FGF22: variants seen among roughly 807,000 people sequenced by gnomAD.
FGF22 encodes the protein fibroblast growth factor 22.
Under a neutral mutation model 10.3 loss-of-function variants are expected in FGF22, and 11 were observed. The observed-to-expected ratio is 1.07, with a 90% CI of 0.67 to 1.77. The LOEUF (loss-of-function observed/expected upper bound fraction) is 1.77, where lower values mean the gene tolerates loss of function less well. Among genes scored for constraint, FGF22 ranks in the 40% most tolerant of loss-of-function variants. The probability of loss-of-function intolerance (pLI) is 0.00; values close to 1 mark genes in which losing one functional copy is unlikely to be tolerated. For synonymous variants in FGF22, 136 were observed against 122.1 expected, an observed-to-expected ratio of 1.11 and a Z score of -0.75; for missense variants, 317 against 273.2, an observed-to-expected ratio of 1.16 and a Z score of -1.13.
At chr19:641,264 C>A (rs1177914927) in intron 1 of FGF22, 1 of 455,640 alleles carries the variant, frequency 2.2e-6, no homozygotes. Flanking sequence ...TGAACAAGGG[C>A]GCAGGTGGGT....
chr19:643,269 C>A (rs1447071819), exon 2 of FGF22: 10 of 1,611,514 alleles, frequency 6.2e-6, no homozygotes, highest in Non-Finnish European at 8.5e-6. Flanking sequence ...ACGTGGGCGT[C>A]GTGGTCATCA....
At chr19:639,879 G>A (rs1468375467) in exon 1 of FGF22, 3 of 1,152,724 alleles carry the variant, frequency 2.6e-6, no homozygotes, top group Admixed American at 4.7e-5. Flanking sequence ...AGGCAGAGCC[G>A]CGGACGCCCG....
At chr19:639,985 C>T (rs1985846115) in exon 1 of FGF22, 18 of 1,273,072 alleles carry the variant, frequency 1.4e-5, no homozygotes, top group Middle Eastern at 3.0e-4. Context: ...CGCCGGACGC[C>T]GCGGGAACCC....
In FGF22 at chr19:643,473, G is replaced by A. The variant is rs143615127; in HGVS notation, c.382G>A (p.Ala128Thr). The change falls in exon 3 of 3, where the codon GCC becomes ACC. Residue 128 changes from alanine (A) to threonine (T), a missense_variant. Coordinates refer to ENST00000215530, the Ensembl canonical transcript of FGF22. ...CGAAGAGAACGGCCACAACACCTAC[G>A]CCTCACAGCGCTGGCGCCGCCGCGG... 42 of 1,611,360 alleles carry A rather than the reference G, an allele frequency of 2.6e-5. No individual in the cohort carries two copies. The highest frequency in any genetic ancestry group is 1.7e-4 in the Middle Eastern group (1 of 6,050).
exon 1 of FGF22, chr19:640,015 G>A (rs1011207132): frequency 9.7e-6 from 13 of 1,346,802 alleles, no homozygotes; most frequent in Admixed American, 3.5e-5. Flanking sequence ...CGCGGGGACC[G>A]CGCAGCTACC....
At chr19:643,699 G>A (rs1394242694) in exon 3 of FGF22, 3 of 1,094,512 alleles carry the variant, frequency 2.7e-6, no homozygotes, top group Admixed American at 2.8e-5. Context: ...TGTAAGCGCT[G>A]AGTGCCCACC....
At chr19:642,741 T>C (rs1371099379) in intron 1 of FGF22, among the ~76,000 whole-genome samples, 4 of 151,516 alleles carry the variant, frequency 2.6e-5, no homozygotes, top group Non-Finnish European at 1.5e-5. Context: ...GTGCTGCTGG[T>C]CGCTGGCTCA....
chr19:643,237 A>G, exon 2 of FGF22: 3 of 1,605,780 alleles, frequency 1.9e-6, no homozygotes, highest in Non-Finnish European at 1.7e-6. Flanking sequence ...TCCCCCAGGC[A>G]TCCTGGAGAT....
At chr19:644,310 A>G (rs1016831270) in exon 3 of FGF22, 1 of 152,354 alleles carries the variant, frequency 6.6e-6, no homozygotes, top group African/African-American at 2.4e-5. Context: ...ATATGAGCCC[A>G]GTGGGACCCA....
exon 1 of FGF22, chr19:640,037 G>A (rs1266725231): frequency 5.7e-6 from 8 of 1,405,662 alleles, no homozygotes; most frequent in Admixed American, 2.8e-5. Flanking sequence ...GCACCTGGAG[G>A]GCGACGTGCG....
chr19:640,192 C>A (rs1352747588), intron 1 of FGF22, 53 bp downstream of exon 1: 42 of 1,172,438 alleles, frequency 3.6e-5, no homozygotes, highest in Non-Finnish European at 4.3e-5. Flanking sequence ...GTGACGGCAA[C>A]GCGGCCGCCG....
exon 3 of FGF22, chr19:643,495 G>C (rs143239645): frequency 1.9e-6 from 3 of 1,610,728 alleles, no homozygotes; most frequent in Admixed American, 1.7e-5. Context: ...TGGCGCCGCC[G>C]CGGCCAGCCC....
intron 1 of FGF22, 59 bp downstream of exon 1, chr19:640,198 C>T: frequency 2.6e-6 from 3 of 1,157,586 alleles, no homozygotes; most frequent in Non-Finnish European, 3.3e-6. Context: ...GCAACGCGGC[C>T]GCCGTCTTCA....
At chr19:640,205 T>C in intron 1 of FGF22, 66 bp downstream of exon 1, 1 of 1,112,458 alleles carries the variant, frequency 9.0e-7, no homozygotes, top group Non-Finnish European at 1.1e-6. Flanking sequence ...GGCCGCCGTC[T>C]TCACGGTGAC....
intron 1 of FGF22, chr19:640,439 G>C: frequency 3.6e-6 from 1 of 281,148 alleles, no homozygotes. Context: ...AGGGGCTGGG[G>C]CAGGCCCAGC....
chr19:642,237 G>T (rs1985926389), intron 1 of FGF22, among the ~76,000 whole-genome samples: 1 of 117,460 alleles, frequency 8.5e-6, no homozygotes, highest in Non-Finnish European at 1.9e-5. Flanking sequence ...GCTCCATATG[G>T]GGTGGTGTGA....
At chr19:644,002 C>T (rs1313554903) in exon 3 of FGF22, 3 of 252,874 alleles carry the variant, frequency 1.2e-5, no homozygotes, top group Non-Finnish European at 2.3e-5. Context: ...GCCTCGAAGC[C>T]GGTCCCGTCC....
rs1169369566 is a variant in FGF22 at position 643,346 on chromosome 19, CCGGGCAGGGCTGGGCGGCG to C, written c.318+18_318+36del. 2.9e-6 allele frequency: 4 copies of C among 1,391,808 alleles called. No homozygotes were observed. Among genetic ancestry groups the C allele is most frequent in the Non-Finnish European group, 3.9e-6 (4 of 1,036,008 alleles). 86.2% of individuals were successfully genotyped at this position (1,391,808 alleles called of 1,614,324 possible). ...GGCCGCCTCTACGGGTCGGTGAGTG[CCGGGCAGGGCTGGGCGGCG>C]CGGGCAGGGTGGGGAGGGTGGGCCG... On this transcript the variant is annotated intron_variant, in intron 2 of 2. Coordinates refer to ENST00000215530, the Ensembl canonical transcript of FGF22.
rs1600618139 is a variant in FGF22, at chr19:643,340, T to A, written c.318+2T>A. ...CGCCGGGGCCGCCTCTACGGGTCGG[T>A]GAGTGCCGGGCAGGGCTGGGCGGCG... is the stretch of plus-strand genomic sequence containing the variant. On this transcript the variant is annotated splice_donor_variant, in intron 2 of 2. Coordinates refer to ENST00000215530, the Ensembl canonical transcript of FGF22. LOFTEE classifies it high-confidence loss of function. 2 of 1,527,606 alleles carry A rather than the reference T, an allele frequency of 1.3e-6. No individual in the cohort carries two copies. Among genetic ancestry groups the A allele is most frequent in the Non-Finnish European group, 1.8e-6 (2 of 1,133,666 alleles). 94.6% of individuals were successfully genotyped at this position (1,527,606 alleles called of 1,614,324 possible). A position where few individuals can be genotyped will look rare whatever the true frequency, so the allele number is the denominator to read the frequency against.
Sources: gnomAD v4.1 joint callset for allele counts (sites outside exome capture counted in the v4.1 genomes callset) on GRCh38, gnomAD v4.1.1 for gene constraint, MANE v1.5 for transcripts, NCBI Gene and HGNC (gene_info 2026-07-23, HGNC 2026-07-21) for gene names.